SDK2: variants seen among roughly 807,000 people sequenced by gnomAD.
SDK2 encodes the protein protein sidekick-2.
Under a neutral mutation model 253.9 loss-of-function variants are expected in SDK2, and 105 were observed. The observed-to-expected ratio is 0.41, with a 90% CI of 0.35 to 0.49. SDK2 has a LOEUF of 0.49. Among genes scored for constraint, SDK2 ranks in the 20% least tolerant of loss-of-function variants. SDK2 has a pLI of 0.06. For missense variants in SDK2, 2,608 were observed against 3,003.0 expected, an observed-to-expected ratio of 0.87 and a Z score of 3.07; for synonymous variants, 1,249 against 1,234.9, an observed-to-expected ratio of 1.01 and a Z score of -0.24.
At chr17:73,604,081 C>T (rs562987823) in intron 1 of SDK2, among the ~76,000 whole-genome samples, 57 of 152,376 alleles carry the variant, frequency 3.7e-4, no homozygotes, top group African/African-American at 1.2e-3. Flanking sequence ...GGAACGCCCG[C>T]GCCGGGCAGC....
intron 1 of SDK2, among the ~76,000 whole-genome samples, chr17:73,601,155 G>C (rs1057402324): frequency 6.6e-5 from 10 of 152,096 alleles, no homozygotes; most frequent in Admixed American, 6.5e-4. Context: ...GAGTAGCTGG[G>C]AATACAGGCA....
chr17:73,362,018 G>A (rs1174837419), intron 38 of SDK2, among the ~76,000 whole-genome samples, 173 bp from the exon 39 acceptor site: 1 of 152,190 alleles, frequency 6.6e-6, no homozygotes, highest in African/African-American at 2.4e-5. Flanking sequence ...TGCCCATGCT[G>A]TGTTTCTCAC....
chr17:73,447,555 C>T lies in SDK2; in HGVS notation c.613+60G>A. ...CCATCTTCCCAATGATCCCCTGGAG[C>T]ACCATTGCTAAGATTTAATGGCCCG... On this transcript the variant is annotated intron_variant, in intron 5 of 44. Transcript: ENST00000392650. This position sits in a 1 kb window ranked among gnomAD's most constrained non-coding sequence, Gnocchi z 4.0. The T allele has an allele frequency of 1.9e-6, 3 of 1,541,038 alleles. No individual in the cohort carries two copies. Among genetic ancestry groups the T allele is most frequent in the Non-Finnish European group, 2.6e-6 (3 of 1,138,306 alleles).
chr17:73,537,648 C>T (rs931932740), intron 1 of SDK2, among the ~76,000 whole-genome samples: 10 of 151,854 alleles, frequency 6.6e-5, no homozygotes, highest in African/African-American at 1.2e-4. Flanking sequence ...TGGGTGGGGA[C>T]GTGCCCAGCC....
intron 2 of SDK2, among the ~76,000 whole-genome samples, chr17:73,506,947 G>A (rs745861619): frequency 6.6e-6 from 1 of 152,264 alleles, no homozygotes; most frequent in Non-Finnish European, 1.5e-5. Flanking sequence ...ATAAGCTCAA[G>A]AGGCCCTGAG....
intron 1 of SDK2, among the ~76,000 whole-genome samples, chr17:73,544,985 T>TTCC (rs35493082): frequency 0.22 from 33,042 of 151,518 alleles, 3,806 homozygotes; most frequent in African/African-American, 0.29. Context: ...GTCAAGGCTC[T>TTCC]TTCTTCCTTG....
rs1341427015 is a variant in SDK2, at chr17:73,352,469, G to A, written c.5758+4C>T. The A allele has an allele frequency of 3.1e-6, 5 of 1,610,724 alleles. No individual in the cohort carries two copies. Among genetic ancestry groups the A allele is most frequent in the Non-Finnish European group, 3.4e-6 (4 of 1,178,762 alleles). Reference sequence around the variant, plus strand: ...CCCCACTCCCTCAGCCCCCAGGCCGGTACCTGGCACAGACTGGGAGGGGCT... The same window carrying A: ...CCCCACTCCCTCAGCCCCCAGGCCGATACCTGGCACAGACTGGGAGGGGCT... On this transcript the variant is annotated splice_donor_region_variant and intron_variant, in intron 41 of 44. Coordinates refer to ENST00000392650, the MANE Select transcript of SDK2 (RefSeq NM_001144952.2). The surrounding 1 kb of genome is among the most constrained non-coding windows in gnomAD (Gnocchi z 4.1).
At chr17:73,420,123 G>C (rs887539796) in intron 15 of SDK2, among the ~76,000 whole-genome samples, 12 of 152,200 alleles carry the variant, frequency 7.9e-5, no homozygotes, top group Non-Finnish European at 1.0e-4. Context: ...GAGGGAGAGA[G>C]CCAAGGACAC....
chr17:73,457,263 CTTCCTTCCTTCCTTCCTTCCTT>C (rs2063533184), intron 3 of SDK2, among the ~76,000 whole-genome samples: 1 of 57,862 alleles, frequency 1.7e-5, no homozygotes, highest in South Asian at 9.0e-4. Context: ...TCCTTCCTTC[CTTCCTTCCTTCCTTCCTTCCTT>C]CCCCCCTCCC....
At chr17:73,573,571 C>T (rs928103570) in intron 1 of SDK2, among the ~76,000 whole-genome samples, 2 of 152,124 alleles carry the variant, frequency 1.3e-5, no homozygotes, top group Non-Finnish European at 2.9e-5. Flanking sequence ...ACCCGCCAAA[C>T]GCACCTTGAA....
chr17:73,483,631 G>A (rs1323810275), intron 2 of SDK2, among the ~76,000 whole-genome samples: 4 of 78,838 alleles, frequency 5.1e-5, no homozygotes, highest in African/African-American at 1.5e-4. Flanking sequence ...ATATGTATAT[G>A]TATATATATA....
intron 1 of SDK2, among the ~76,000 whole-genome samples, chr17:73,580,598 C>T (rs542843125): frequency 1.1e-4 from 17 of 152,332 alleles, no homozygotes; most frequent in African/African-American, 3.6e-4. Flanking sequence ...TTGCTGTTGC[C>T]ATCTTGAAAT....
At chr17:73,490,281 G>A (rs1186010306) in intron 2 of SDK2, among the ~76,000 whole-genome samples, 1 of 152,202 alleles carries the variant, frequency 6.6e-6, no homozygotes, top group African/African-American at 2.4e-5. Flanking sequence ...ACTGCTTGCA[G>A]GGCTGGAGGG....
At chr17:73,403,834 A>G (rs1477300142) in intron 18 of SDK2, among the ~76,000 whole-genome samples, 1 of 152,238 alleles carries the variant, frequency 6.6e-6, no homozygotes, top group East Asian at 1.9e-4. Flanking sequence ...CCGTATTTCG[A>G]TTATCTTGTT....
intron 2 of SDK2, among the ~76,000 whole-genome samples, chr17:73,500,324 T>C: frequency 8.2e-6 from 1 of 122,254 alleles, no homozygotes; most frequent in Admixed American, 8.3e-5. Flanking sequence ...TCCTCCTCCA[T>C]CCTCCCTCCA....
chr17:73,594,867 C>T (rs2045732668), intron 1 of SDK2, among the ~76,000 whole-genome samples: 1 of 151,864 alleles, frequency 6.6e-6, no homozygotes, highest in African/African-American at 2.4e-5. Flanking sequence ...TGCAAATACA[C>T]ACAGCACATA....
intron 40 of SDK2, among the ~76,000 whole-genome samples, chr17:73,353,445 A>G (rs1219607684): frequency 2.6e-5 from 4 of 152,142 alleles, no homozygotes; most frequent in African/African-American, 9.7e-5. Flanking sequence ...TTCGAGACAG[A>G]GTTTCGCTCT....
chr17:73,522,419 T>C (rs1160591253), intron 1 of SDK2, among the ~76,000 whole-genome samples: 4 of 152,180 alleles, frequency 2.6e-5, no homozygotes, highest in Admixed American at 2.0e-4. Flanking sequence ...AGGGGGGCAG[T>C]TGGTGGTGGG....
chr17:73,606,722 T>C (rs2045913097), intron 1 of SDK2, among the ~76,000 whole-genome samples: 2 of 152,146 alleles, frequency 1.3e-5, no homozygotes, highest in South Asian at 4.1e-4. Context: ...AAAAAGCCAC[T>C]ATCCACCCCA....
Sources: allele counts gnomAD v4.1 joint callset (sites outside exome capture counted in the v4.1 genomes callset), GRCh38; gene constraint gnomAD v4.1.1; non-coding constraint Gnocchi (gnomAD v3.1); transcripts MANE v1.5; gene names NCBI Gene and HGNC (gene_info 2026-07-23, HGNC 2026-07-21).